MRPS9: variants seen among roughly 807,000 people sequenced by gnomAD.
MRPS9 encodes the protein small ribosomal subunit protein uS9m.
Under a neutral mutation model 59.9 loss-of-function variants are expected in MRPS9, and 45 were observed. The observed-to-expected ratio is 0.75, with a 90% CI of 0.59 to 0.96. MRPS9 has a LOEUF of 0.96. MRPS9 is among the 40% of genes least tolerant of loss of function. The pLI is 0.00. For synonymous variants in MRPS9, 171 were observed against 166.8 expected, an observed-to-expected ratio of 1.03 and a Z score of -0.19; for missense variants, 473 against 481.1, an observed-to-expected ratio of 0.98 and a Z score of 0.16.
chr2:105,084,767 GTAAT>G (rs2104463890), intron 5 of MRPS9, among the ~76,000 whole-genome samples: 1 of 152,218 alleles, frequency 6.6e-6, no homozygotes, highest in Admixed American at 6.5e-5. Flanking sequence ...AGTTAATTCA[GTAAT>G]TAATTCAGCA....
Position 105,049,320 on chromosome 2 carries a change from T to A in MRPS9, c.285T>A (p.Asp95Glu). ...KRHLANMMGE[D>E]PETFTQEDID... ...ATTTAGCCAACATGATGGGAGAAGATCCAGAAACTTTCACTCAAGAAGATA... is the reference window on the plus strand; with the variant it reads ...ATTTAGCCAACATGATGGGAGAAGAACCAGAAACTTTCACTCAAGAAGATA... The change falls in exon 2 of 11, where the codon GAT becomes GAA. Residue 95 changes from aspartate to glutamate, a missense_variant. Transcript: ENST00000258455. 1 of 1,611,234 alleles carries A rather than the reference T, an allele frequency of 6.2e-7. No individual in the cohort carries two copies. The highest frequency in any genetic ancestry group is 8.5e-7 in the Non-Finnish European group (1 of 1,179,298).
In MRPS9 at chr2:105,099,953, T is replaced by C; in HGVS notation, c.*192T>C. 2.1e-6 allele frequency: 1 copy of C among 482,128 alleles called. No homozygotes were observed. The highest frequency in any genetic ancestry group is 3.7e-6 in the Non-Finnish European group (1 of 273,426). 29.9% of individuals were successfully genotyped at this position (482,128 alleles called of 1,614,324 possible). On this transcript the variant is annotated 3_prime_UTR_variant, in exon 11 of 11. Transcript: ENST00000258455. The stretch of plus-strand genomic sequence containing the variant: ...AAAATAAAAGGAAAATAAAGAATGT[T>C]AGTTTCATTCTGCCGCTTTATTTTT...
chr2:105,071,228 C>A, intron 2 of MRPS9, 85 bp from the exon 3 acceptor site: 2 of 1,036,266 alleles, frequency 1.9e-6, no homozygotes, highest in Non-Finnish European at 2.9e-6. Context: ...AGTTCAATGT[C>A]CAGCATATAG....
chr2:105,051,070 T>C (rs79745742), intron 2 of MRPS9, among the ~76,000 whole-genome samples: 31,500 of 152,204 alleles, frequency 0.21, 3,338 homozygotes, highest in Middle Eastern at 0.35. Context: ...AGTTCTTGTG[T>C]AGACATATGT....
chr2:105,069,037 C>T (rs190105187), intron 2 of MRPS9, among the ~76,000 whole-genome samples: 13 of 152,290 alleles, frequency 8.5e-5, no homozygotes, highest in Non-Finnish European at 1.9e-4. Context: ...TAGCACTTGG[C>T]ATTCCCACCA....
chr2:105,092,474 A>G lies in MRPS9; in HGVS notation c.725A>G (p.Gln242Arg). The G allele has an allele frequency of 6.2e-7, 1 of 1,614,024 alleles. No homozygotes were observed. ...GGTGCTGCTGAGGAAGAATTTGTGC[A>G]GAGGTTTCGAAGAAGTGTAACTCTT... is the stretch of plus-strand genomic sequence containing the variant. ...QCGAAEEEFV[Q>R]RFRRSVTLES... is the part of the protein sequence containing the mutation. The change falls in exon 8 of 11, where the codon CAG becomes CGG. Residue 242 changes from glutamine (Q) to arginine (R), a missense_variant. By Grantham distance (43) the Gln-to-Arg change is conservative (BLOSUM62 1). Coordinates refer to ENST00000258455, the MANE Select transcript of MRPS9 (RefSeq NM_182640.3).
At chr2:105,099,007 G>A (rs58174144) in intron 10 of MRPS9, among the ~76,000 whole-genome samples, 9 of 152,282 alleles carry the variant, frequency 5.9e-5, no homozygotes, top group African/African-American at 2.2e-4. Flanking sequence ...ATGATTGGGA[G>A]AATGAAAGTT....
chr2:105,043,322 A>G (rs867142339), intron 1 of MRPS9, among the ~76,000 whole-genome samples: 4 of 152,240 alleles, frequency 2.6e-5, no homozygotes, highest in Admixed American at 2.0e-4. Context: ...TTTGTTTAAC[A>G]TAGTATCCGT....
At chr2:105,050,884 AAT>A (rs1679700148) in intron 2 of MRPS9, among the ~76,000 whole-genome samples, 1 of 152,178 alleles carries the variant, frequency 6.6e-6, no homozygotes, top group South Asian at 2.1e-4. Context: ...CACTTAGCAC[AAT>A]GTTTTCATGT....
At chr2:105,059,168 C>T (rs1679850589) in intron 2 of MRPS9, among the ~76,000 whole-genome samples, 1 of 150,408 alleles carries the variant, frequency 6.6e-6, no homozygotes, top group East Asian at 2.0e-4. Flanking sequence ...CACCTAACAA[C>T]TTTGCCAAGT....
At chr2:105,038,708 C>G (rs1679439629) in intron 1 of MRPS9, among the ~76,000 whole-genome samples, 1 of 152,148 alleles carries the variant, frequency 6.6e-6, no homozygotes, top group African/African-American at 2.4e-5. Flanking sequence ...TCTTAATTTT[C>G]CCGAATCCCC....
chr2:105,051,764 A>C (rs1408298719), intron 2 of MRPS9, among the ~76,000 whole-genome samples: 2 of 151,324 alleles, frequency 1.3e-5, no homozygotes, highest in African/African-American at 4.9e-5. Context: ...TTTTTTGTTA[A>C]ATTTATTTCT....
chr2:105,059,072 G>T (rs1305152855), intron 2 of MRPS9, among the ~76,000 whole-genome samples: 22 of 138,296 alleles, frequency 1.6e-4, no homozygotes, highest in South Asian at 9.3e-4. Context: ...GTTCTGTGGG[G>T]TTTTTTTTTT....
At chr2:105,095,628 G>A (rs1046079749) in intron 9 of MRPS9, among the ~76,000 whole-genome samples, 1 of 151,532 alleles carries the variant, frequency 6.6e-6, no homozygotes, top group Admixed American at 6.6e-5. Context: ...CTCCTGAGTA[G>A]CTGGGATTAC....
At position 105,078,141 on chromosome 2, in the gene MRPS9, C is replaced by CTTT. The variant is rs11421327; in HGVS notation, c.410-1826_410-1824dup. Among the ~76,000 whole-genome samples the CTTT allele has an allele frequency of 6.3e-3, 803 of 127,006 alleles. 8 individuals carry two copies. The highest frequency in any genetic ancestry group is 9.1e-3 in the Admixed American group (111 of 12,254). The allele number at this position is 127,006 out of a possible 152,430, so 83.3% of individuals were successfully genotyped here. On this transcript the variant is annotated intron_variant, in intron 4 of 10. Coordinates refer to ENST00000258455, the MANE Select transcript of MRPS9 (RefSeq NM_182640.3). ...GTGCCTTATTCAGTTAATTCTAAGA[C>CTTT]TTTTTTTTTTTTTTTTTTCAAATTT...
At chr2:105,079,265 C>T (rs953642450) in intron 4 of MRPS9, among the ~76,000 whole-genome samples, 3 of 151,958 alleles carry the variant, frequency 2.0e-5, no homozygotes, top group Non-Finnish European at 4.4e-5. Context: ...TAATCTGCTT[C>T]AGAGAAACAA....
intron 2 of MRPS9, among the ~76,000 whole-genome samples, chr2:105,056,085 A>G (rs1045334185): frequency 2.6e-5 from 4 of 152,152 alleles, no homozygotes; most frequent in African/African-American, 7.2e-5. Flanking sequence ...AATGAAAACT[A>G]CTACCACATA....
At chr2:105,051,711 C>T (rs1679714191) in intron 2 of MRPS9, among the ~76,000 whole-genome samples, 1 of 152,076 alleles carries the variant, frequency 6.6e-6, no homozygotes, top group South Asian at 2.1e-4. Context: ...TTTTTAATTT[C>T]TCTCAGTGAT....
At chr2:105,050,228 C>T (rs1284362463) in intron 2 of MRPS9, among the ~76,000 whole-genome samples, 1 of 152,186 alleles carries the variant, frequency 6.6e-6, no homozygotes, top group South Asian at 2.1e-4. Context: ...CAACCTCTGC[C>T]TACTGGCTTC....
Sources: allele counts gnomAD v4.1 joint callset (sites outside exome capture counted in the v4.1 genomes callset), GRCh38; gene constraint gnomAD v4.1.1; transcripts MANE v1.5; gene names NCBI Gene and HGNC (gene_info 2026-07-23, HGNC 2026-07-21).